GMDS: variants seen among roughly 807,000 people sequenced by gnomAD.
GMDS encodes the protein GDP-mannose 4,6-dehydratase.
GMDS carries 20 observed loss-of-function variants against 49.9 expected under a neutral mutation model. The ratio of observed to expected loss-of-function variants is 0.40; its 90% CI spans 0.28 to 0.58. The LOEUF is 0.58. Ranked by LOEUF, GMDS falls within the 20% of genes least tolerant of loss-of-function variation. GMDS has a pLI of 0.42. For synonymous variants in GMDS, 177 were observed against 178.6 expected (o/e 0.99, Z 0.07); for missense variants, 362 against 481.4 (o/e 0.75, Z 2.32).
intron 1 of GMDS, among the ~76,000 whole-genome samples, chr6:2,243,875 T>C (rs1203208215): frequency 8.5e-6 from 1 of 117,156 alleles, no homozygotes; most frequent in Non-Finnish European, 1.7e-5. Context: ...TTTTTTTTTT[T>C]TGAGGCAGGA....
chr6:1,634,550 C>T (rs1246021753), intron 9 of GMDS, among the ~76,000 whole-genome samples: 1 of 152,180 alleles, frequency 6.6e-6, no homozygotes, highest in African/African-American at 2.4e-5. Flanking sequence ...TCCATGTGCA[C>T]TATGTAAAAG....
At chr6:1,810,027 G>A (rs1427144408) in intron 7 of GMDS, among the ~76,000 whole-genome samples, 2 of 122,506 alleles carry the variant, frequency 1.6e-5, no homozygotes, top group East Asian at 2.4e-4. Flanking sequence ...CAGTTCCTTC[G>A]GTTACGCAGC....
chr6:1,645,820 C>T (rs1206640345), intron 9 of GMDS, among the ~76,000 whole-genome samples: 2 of 152,244 alleles, frequency 1.3e-5, no homozygotes, highest in South Asian at 2.1e-4. Context: ...GAAGTCTCCA[C>T]ATGCAACTTC....
chr6:1,673,998 C>A lies in GMDS; in HGVS notation c.988-49458G>T, dbSNP rs146978585. On this transcript the variant is annotated intron_variant, in intron 9 of 10. Coordinates refer to ENST00000380815, the MANE Select transcript of GMDS (RefSeq NM_001500.4). ...AATAATGCTGCTATAAACATCTATG[C>A]GCAGGTTTTTCTGAGGACATGTTTT... is the stretch of plus-strand genomic sequence containing the variant. Among the ~76,000 whole-genome samples the A allele has an allele frequency of 7.3e-3, 658 of 90,346 alleles. 6 individuals carry two copies. The highest frequency in any genetic ancestry group is 0.021 in the African/African-American group (575 of 27,142). 59.3% of individuals were successfully genotyped at this position (90,346 alleles called of 152,430 possible).
chr6:1,740,181 G>A (rs1767209926), intron 8 of GMDS, among the ~76,000 whole-genome samples: 1 of 152,074 alleles, frequency 6.6e-6, no homozygotes, highest in African/African-American at 2.4e-5. Context: ...ATATAAATTT[G>A]TTAAAATATG....
At chr6:2,058,286 A>C (rs555547389) in intron 4 of GMDS, among the ~76,000 whole-genome samples, 1 of 150,428 alleles carries the variant, frequency 6.6e-6, no homozygotes, top group South Asian at 2.1e-4. Context: ...CAGAGGTTGC[A>C]GTGAGCCAAG....
intron 4 of GMDS, among the ~76,000 whole-genome samples, chr6:2,109,341 C>T (rs974977445): frequency 2.6e-5 from 4 of 152,094 alleles, no homozygotes; most frequent in African/African-American, 7.2e-5. Context: ...GGGGGCCTCA[C>T]GGAGAAGCTG....
chr6:1,724,862 A>T (rs1349386995), intron 9 of GMDS, among the ~76,000 whole-genome samples: 1 of 152,200 alleles, frequency 6.6e-6, no homozygotes, highest in African/African-American at 2.4e-5. Context: ...TCACTGTGTC[A>T]GAGCCCCGGC....
intron 7 of GMDS, among the ~76,000 whole-genome samples, chr6:1,853,009 G>C (rs542136764): frequency 6.6e-6 from 1 of 151,842 alleles, no homozygotes; most frequent in Non-Finnish European, 1.5e-5. Context: ...CCTGGGATCC[G>C]CTTTAAAGTC....
chr6:1,855,377 AG>A (rs1212666308), intron 7 of GMDS, among the ~76,000 whole-genome samples: 2 of 152,224 alleles, frequency 1.3e-5, no homozygotes, highest in Non-Finnish European at 2.9e-5. Flanking sequence ...CTACCATTGA[AG>A]GGAGGGCCTA....
At chr6:2,145,854 A>G (rs1281139463) in intron 1 of GMDS, among the ~76,000 whole-genome samples, 1 of 152,172 alleles carries the variant, frequency 6.6e-6, no homozygotes, top group Non-Finnish European at 1.5e-5. Context: ...AGCGACATCT[A>G]TCTCAAAAAT....
intron 1 of GMDS, among the ~76,000 whole-genome samples, chr6:2,233,699 A>G (rs970636655): frequency 1.3e-5 from 2 of 152,190 alleles, no homozygotes; most frequent in African/African-American, 4.8e-5. Flanking sequence ...AGGCACCTGT[A>G]GTCCCAGCTA....
chr6:2,108,687 T>C (rs970777083), intron 4 of GMDS, among the ~76,000 whole-genome samples: 1 of 152,192 alleles, frequency 6.6e-6, no homozygotes, highest in Non-Finnish European at 1.5e-5. Context: ...AGAGGTCCGA[T>C]ATAAAGTATC....
intron 7 of GMDS, among the ~76,000 whole-genome samples, chr6:1,879,515 T>C (rs1759260157): frequency 6.6e-6 from 1 of 152,108 alleles, no homozygotes; most frequent in Admixed American, 6.5e-5. Context: ...GGCATTTTTA[T>C]GTTAAGCTAA....
At chr6:2,085,099 C>T (rs1392300027) in intron 4 of GMDS, among the ~76,000 whole-genome samples, 1 of 152,102 alleles carries the variant, frequency 6.6e-6, no homozygotes. Flanking sequence ...CTTCTACAGT[C>T]CTATTTAACC....
At chr6:1,626,903 T>C (rs892768918) in intron 9 of GMDS, among the ~76,000 whole-genome samples, 1 of 152,270 alleles carries the variant, frequency 6.6e-6, no homozygotes, top group African/African-American at 2.4e-5. Context: ...TACCATACAC[T>C]GTAAAAGTAT....
At chr6:1,769,563 G>C (rs568330882) in intron 7 of GMDS, among the ~76,000 whole-genome samples, 2 of 152,322 alleles carry the variant, frequency 1.3e-5, no homozygotes, top group Admixed American at 6.5e-5. Context: ...GCCACTTAAC[G>C]AGGCTATTAA....
chr6:2,034,713 G>A (rs1213034707), intron 4 of GMDS, among the ~76,000 whole-genome samples: 1 of 152,212 alleles, frequency 6.6e-6, no homozygotes, highest in Admixed American at 6.5e-5. Flanking sequence ...TGGGGTGTCT[G>A]CGAAGCCAAA....
At chr6:1,969,010 C>T (rs185261890) in intron 4 of GMDS, among the ~76,000 whole-genome samples, 2 of 151,690 alleles carry the variant, frequency 1.3e-5, no homozygotes, top group East Asian at 1.9e-4. Flanking sequence ...ACCTGTAATC[C>T]CAGCACTTTG....
Sources: gnomAD v4.1 joint callset for allele counts (sites outside exome capture counted in the v4.1 genomes callset) on GRCh38, gnomAD v4.1.1 for gene constraint, MANE v1.5 for transcripts, NCBI Gene and HGNC (gene_info 2026-07-23, HGNC 2026-07-21) for gene names.